The following KIAA0825 variants were observed in gnomAD, a reference collection of about 807,000 sequenced individuals.
KIAA0825 encodes KIAA0825, also known as uncharacterized protein KIAA0825.
KIAA0825 carries 119 observed loss-of-function variants against 147.6 expected under a neutral mutation model. The observed-to-expected ratio is 0.81, with a 90% CI of 0.69 to 0.94. The LOEUF (loss-of-function observed/expected upper bound fraction) is 0.94, where lower values mean the gene tolerates loss of function less well. KIAA0825 is among the 40% of genes least tolerant of loss of function. KIAA0825 has a pLI of 0.00. For synonymous variants in KIAA0825, 470 were observed against 518.1 expected (o/e 0.91, Z 1.26); for missense variants, 1,381 against 1,472.7 (o/e 0.94, Z 1.02).
intron 1 of KIAA0825, among the ~76,000 whole-genome samples, chr5:94,601,331 A>G (rs13157771): frequency 6.6e-6 from 1 of 152,212 alleles, no homozygotes; most frequent in Non-Finnish European, 1.5e-5. Context: ...CAGCAGCGCT[A>G]TGGGAAAGTG....
At chr5:94,270,477 C>T (rs938870236) in intron 20 of KIAA0825, among the ~76,000 whole-genome samples, 6 of 152,022 alleles carry the variant, frequency 3.9e-5, no homozygotes, top group South Asian at 2.1e-4. Flanking sequence ...GCAAAAAGAA[C>T]GATGAGGGAT....
chr5:94,378,594 T>C (rs955366055), intron 20 of KIAA0825, among the ~76,000 whole-genome samples: 5 of 152,246 alleles, frequency 3.3e-5, no homozygotes, highest in Admixed American at 6.5e-5. Flanking sequence ...TATTGTAGAA[T>C]GATTTCTATT....
intron 16 of KIAA0825, among the ~76,000 whole-genome samples, chr5:94,402,981 T>A (rs1350936740): frequency 1.3e-5 from 2 of 152,058 alleles, no homozygotes; most frequent in African/African-American, 4.8e-5. Context: ...TGTAGGTAAC[T>A]GATAGTTCTT....
At chr5:94,540,580 T>A (rs1207191016) in intron 2 of KIAA0825, among the ~76,000 whole-genome samples, 1 of 152,232 alleles carries the variant, frequency 6.6e-6, no homozygotes, top group African/African-American at 2.4e-5. Flanking sequence ...GATGTTTATA[T>A]GTGAAAGAGC....
chr5:94,331,123 A>C (rs1212236138), intron 20 of KIAA0825, among the ~76,000 whole-genome samples: 2 of 151,380 alleles, frequency 1.3e-5, no homozygotes, highest in Non-Finnish European at 2.9e-5. Flanking sequence ...CAAAAGAGTG[A>C]GACTCTGTCT....
intron 2 of KIAA0825, among the ~76,000 whole-genome samples, chr5:94,539,829 T>G (rs1235165182): frequency 3.3e-5 from 5 of 152,132 alleles, no homozygotes; most frequent in Non-Finnish European, 7.4e-5. Context: ...GTAAAGTCCC[T>G]TTTGGCTAAG....
At chr5:94,216,222 C>T (rs1773183071) in intron 20 of KIAA0825, among the ~76,000 whole-genome samples, 1 of 152,080 alleles carries the variant, frequency 6.6e-6, no homozygotes, top group African/African-American at 2.4e-5. Context: ...TTGGTTCTCT[C>T]CAATTGGAGG....
intron 20 of KIAA0825, among the ~76,000 whole-genome samples, chr5:94,186,697 C>T (rs1770148692): frequency 6.6e-6 from 1 of 152,140 alleles, no homozygotes. Context: ...CATGTATACA[C>T]ACGAAGGAGC....
intron 1 of KIAA0825, among the ~76,000 whole-genome samples, chr5:94,600,698 C>A (rs958926254): frequency 6.6e-6 from 1 of 152,182 alleles, no homozygotes; most frequent in Non-Finnish European, 1.5e-5. Context: ...ATACTTGAGG[C>A]TGCTTGGACA....
intron 20 of KIAA0825, among the ~76,000 whole-genome samples, chr5:94,369,838 A>G (rs1433098103): frequency 6.6e-6 from 1 of 152,158 alleles, no homozygotes; most frequent in Non-Finnish European, 1.5e-5. Context: ...TCAGTCTGGC[A>G]TCAGTTTTCT....
intron 13 of KIAA0825, among the ~76,000 whole-genome samples, chr5:94,443,301 G>A (rs139950828): frequency 6.1e-4 from 92 of 151,626 alleles, no homozygotes; most frequent in African/African-American, 2.1e-3. Context: ...GTGAAAGTGA[G>A]ATTAGCCTTA....
chr5:94,417,322 G>A lies in KIAA0825; in HGVS notation c.2541C>T (p.Ser847=). 1 of 1,549,970 alleles carries A rather than the reference G, an allele frequency of 6.5e-7. No homozygotes were observed. The highest frequency in any genetic ancestry group is 8.7e-7 in the Non-Finnish European group (1 of 1,145,664). Residue 847 remains serine, a synonymous_variant, in exon 15 of 21, where the codon AGC becomes AGT. Coordinates refer to ENST00000682413, the MANE Select transcript of KIAA0825 (RefSeq NM_001145678.3). The stretch of plus-strand genomic sequence containing the variant: ...ATATTTTAAAGATGGCTTCCATCAA[G>A]CTGGGTCCTTGGTTCAGGTTATTTT... ...DTENNLNQGP[S]LMEAIFKILY...
chr5:94,235,917 A>ATG (rs1775015554), intron 20 of KIAA0825, among the ~76,000 whole-genome samples: 1 of 152,146 alleles, frequency 6.6e-6, no homozygotes, highest in African/African-American at 2.4e-5. Flanking sequence ...CACTGTTGAG[A>ATG]CCTACTGCTC....
At chr5:94,265,757 C>T (rs1372076048) in intron 20 of KIAA0825, among the ~76,000 whole-genome samples, 2 of 152,100 alleles carry the variant, frequency 1.3e-5, no homozygotes, top group African/African-American at 2.4e-5. Context: ...GCCGAGATTG[C>T]GCCATTGCAT....
chr5:94,494,076 C>A (rs1764050451), intron 5 of KIAA0825, among the ~76,000 whole-genome samples: 1 of 152,130 alleles, frequency 6.6e-6, no homozygotes, highest in Non-Finnish European at 1.5e-5. Context: ...AGCTATTCTT[C>A]TGGGTCAATG....
At chr5:94,536,326 AAT>A (rs1394599955) in intron 3 of KIAA0825, among the ~76,000 whole-genome samples, 1 of 152,230 alleles carries the variant, frequency 6.6e-6, no homozygotes, top group African/African-American at 2.4e-5. Context: ...ATCATTACAC[AAT>A]AGAAATTTTT....
intron 5 of KIAA0825, chr5:94,519,558 G>C (rs925721963): frequency 1.7e-6 from 1 of 593,426 alleles, no homozygotes; most frequent in African/African-American, 2.0e-5. Context: ...TCTTTTATTT[G>C]TATACATCCT....
intron 20 of KIAA0825, among the ~76,000 whole-genome samples, chr5:94,193,420 A>G (rs1770851323): frequency 6.6e-6 from 1 of 152,228 alleles, no homozygotes; most frequent in South Asian, 2.1e-4. Context: ...TCCAACTTTT[A>G]TAGCTGATGA....
At position 94,489,863 on chromosome 5, in the gene KIAA0825, G is replaced by A. The variant is rs369143479; in HGVS notation, c.971-4933C>T. ...ATCATGCCATTGCACTCCAGCCTGA[G>A]TGACACAGAGAGAGACTCTGTCTCA... On this transcript the variant is annotated intron_variant, in intron 5 of 20. Coordinates refer to ENST00000682413, the MANE Select transcript of KIAA0825 (RefSeq NM_001145678.3). Among the ~76,000 whole-genome samples the A allele has an allele frequency of 8.7e-4, 126 of 145,022 alleles. 3 individuals carry two copies. The South Asian group carries it at 0.028, about 32-fold the overall frequency.
Sources: allele counts gnomAD v4.1 joint callset (sites outside exome capture counted in the v4.1 genomes callset), GRCh38; gene constraint gnomAD v4.1.1; transcripts MANE v1.5; gene names NCBI Gene and HGNC (gene_info 2026-07-23, HGNC 2026-07-21).